The following LOXHD1 variants were observed in gnomAD, a reference collection of about 807,000 sequenced individuals.
LOXHD1 encodes lipoxygenase homology domain-containing protein 1.
A neutral mutation model predicts 248.2 loss-of-function variants in LOXHD1; 205 were observed. That is an observed-to-expected ratio of 0.83 (90% confidence interval 0.74 to 0.93). LOXHD1 has a LOEUF of 0.93. Among genes scored for constraint, LOXHD1 ranks in the 40% least tolerant of loss-of-function variants. LOXHD1 has a pLI of 0.00. For missense variants in LOXHD1, 2,930 were observed against 2,971.6 expected, an observed-to-expected ratio of 0.99 and a Z score of 0.33; for synonymous variants, 1,113 against 1,162.8, an observed-to-expected ratio of 0.96 and a Z score of 0.87.
intron 40 of LOXHD1, among the ~76,000 whole-genome samples, chr18:46,478,349 G>A (rs898265335): frequency 4.5e-4 from 68 of 151,940 alleles, no homozygotes; most frequent in African/African-American, 1.5e-3. Context: ...GCGCCTGGCC[G>A]ACCCTATTTT....
chr18:46,555,923 G>A (rs2143951870), intron 21 of LOXHD1, among the ~76,000 whole-genome samples: 1 of 152,196 alleles, frequency 6.6e-6, no homozygotes, highest in South Asian at 2.1e-4. Context: ...GCCTCCACCA[G>A]GGGTCAGCAA....
intron 20 of LOXHD1, 49 bp downstream of exon 20, chr18:46,559,399 G>C: frequency 6.4e-7 from 1 of 1,551,398 alleles, no homozygotes; most frequent in East Asian, 2.4e-5. Flanking sequence ...AATCTCAGAG[G>C]GCACCAAACC....
chr18:46,649,447 T>C (rs1187310227), intron 1 of LOXHD1, among the ~76,000 whole-genome samples, 178 bp from the exon 2 acceptor site: 2 of 152,198 alleles, frequency 1.3e-5, no homozygotes, highest in Non-Finnish European at 2.9e-5. Flanking sequence ...TGCTGCAAGA[T>C]CAAAACTTCA....
chr18:46,625,479 G>A (rs1022689774), intron 4 of LOXHD1, among the ~76,000 whole-genome samples: 2 of 150,504 alleles, frequency 1.3e-5, no homozygotes, highest in African/African-American at 4.9e-5. Flanking sequence ...ATTAACACTA[G>A]CGATAGCTGA....
chr18:46,551,948 A>G (rs1393489603), intron 21 of LOXHD1, among the ~76,000 whole-genome samples: 1 of 152,244 alleles, frequency 6.6e-6, no homozygotes, highest in African/African-American at 2.4e-5. Flanking sequence ...AACAAGCTAG[A>G]CACAAAAAGA....
At chr18:46,654,519 G>A (rs1334894677) in intron 1 of LOXHD1, among the ~76,000 whole-genome samples, 1 of 152,210 alleles carries the variant, frequency 6.6e-6, no homozygotes, top group African/African-American at 2.4e-5. Context: ...AATGTGCCAC[G>A]TTCAGCCTGC....
chr18:46,593,168 T>C (rs923248344), intron 10 of LOXHD1, among the ~76,000 whole-genome samples: 11 of 151,688 alleles, frequency 7.3e-5, no homozygotes, highest in African/African-American at 2.7e-4. Flanking sequence ...TCTAGTTTTA[T>C]GCATAATGGA....
At chr18:46,478,995 G>C (rs759731470) in intron 40 of LOXHD1, among the ~76,000 whole-genome samples, 4 of 152,126 alleles carry the variant, frequency 2.6e-5, no homozygotes, top group Non-Finnish European at 5.9e-5. Context: ...ACTGCACACA[G>C]CTGTGCTTTC....
At chr18:46,579,814 T>C in intron 12 of LOXHD1, 30 bp from the exon 13 acceptor site, 1 of 1,542,576 alleles carries the variant, frequency 6.5e-7, no homozygotes, top group Non-Finnish European at 8.8e-7. Flanking sequence ...ACATCATTGC[T>C]GACAGCCCCC....
chr18:46,519,430 T>A (rs1347502591), intron 33 of LOXHD1, among the ~76,000 whole-genome samples: 6 of 152,190 alleles, frequency 3.9e-5, no homozygotes, highest in Non-Finnish European at 8.8e-5. Context: ...TCTGGCAGCA[T>A]CTAGAATCTC....
chr18:46,632,562 G>A (rs1416552360), intron 4 of LOXHD1, among the ~76,000 whole-genome samples: 1 of 152,112 alleles, frequency 6.6e-6, no homozygotes, highest in African/African-American at 2.4e-5. Flanking sequence ...GTTACCAAGA[G>A]GGTGAGCCAT....
chr18:46,508,928 T>G (rs368944838), intron 35 of LOXHD1, among the ~76,000 whole-genome samples: 1 of 152,184 alleles, frequency 6.6e-6, no homozygotes, highest in Non-Finnish European at 1.5e-5. Flanking sequence ...CAAGTGTTAA[T>G]GACTCTCCTC....
intron 29 of LOXHD1, among the ~76,000 whole-genome samples, chr18:46,527,032 G>T (rs1353270687): frequency 3.9e-5 from 6 of 152,056 alleles, no homozygotes; most frequent in African/African-American, 1.2e-4. Flanking sequence ...AGTTGGTCCA[G>T]CTCCCCTGAT....
intron 5 of LOXHD1, among the ~76,000 whole-genome samples, chr18:46,613,348 A>T (rs1163909603): frequency 1.3e-5 from 2 of 152,118 alleles, no homozygotes; most frequent in African/African-American, 4.8e-5. Context: ...AATGCAAATA[A>T]TATATTTTTA....
At chr18:46,655,632 C>A (rs566599493) in intron 1 of LOXHD1, among the ~76,000 whole-genome samples, 1 of 152,174 alleles carries the variant, frequency 6.6e-6, no homozygotes, top group African/African-American at 2.4e-5. Flanking sequence ...CTACTACAGC[C>A]CCCCCTTCTA....
chr18:46,546,310 C>CTCCAA (rs2036825384), intron 22 of LOXHD1, among the ~76,000 whole-genome samples: 1 of 151,706 alleles, frequency 6.6e-6, no homozygotes, highest in Non-Finnish European at 1.5e-5. Flanking sequence ...TTCCATTCTA[C>CTCCAA]TCCACTCCAC....
intron 22 of LOXHD1, among the ~76,000 whole-genome samples, chr18:46,545,805 A>G (rs1202358632): frequency 2.0e-5 from 3 of 149,432 alleles, no homozygotes; most frequent in Non-Finnish European, 4.4e-5. Flanking sequence ...AATTTTTTGT[A>G]TTTTTAGTAG....
intron 37 of LOXHD1, among the ~76,000 whole-genome samples, chr18:46,496,868 T>G (rs2143753772): frequency 6.6e-6 from 1 of 152,246 alleles, no homozygotes; most frequent in South Asian, 2.1e-4. Flanking sequence ...CCGGGTGTGG[T>G]GGCACACTCC....
chr18:46,489,230 G>A (rs1226927601), intron 37 of LOXHD1, 88 bp from the exon 38 acceptor site: 3 of 1,394,976 alleles, frequency 2.2e-6, no homozygotes, highest in Admixed American at 4.0e-5. Flanking sequence ...CATTGGCTGT[G>A]TGGCCCTGGA....
Sources: gnomAD v4.1 joint callset for allele counts (sites outside exome capture counted in the v4.1 genomes callset) on GRCh38, gnomAD v4.1.1 for gene constraint, MANE v1.5 for transcripts, NCBI Gene and HGNC (gene_info 2026-07-23, HGNC 2026-07-21) for gene names.